SLC9A9: variants seen among roughly 807,000 people sequenced by gnomAD.
The protein encoded by SLC9A9 is sodium/hydrogen exchanger 9.
A neutral mutation model predicts 77.8 loss-of-function variants in SLC9A9; 62 were observed. The ratio of observed to expected loss-of-function variants is 0.80; its 90% confidence interval spans 0.65 to 0.98. SLC9A9 has a LOEUF of 0.98. SLC9A9 is among the 50% of genes least tolerant of loss of function. The pLI is 0.00. For missense variants in SLC9A9, 775 were observed against 774.9 expected (o/e 1.00, Z 0.00); for synonymous variants, 320 against 283.5 (o/e 1.13, Z -1.29).
chr3:143,799,210 C>T (rs1482568610), intron 2 of SLC9A9, among the ~76,000 whole-genome samples: 1 of 152,128 alleles, frequency 6.6e-6, no homozygotes, highest in African/African-American at 2.4e-5. Context: ...GTCCATGGCC[C>T]ATTTGGCAAC....
intron 12 of SLC9A9, among the ~76,000 whole-genome samples, chr3:143,418,411 G>A (rs900929186): frequency 1.3e-5 from 2 of 151,990 alleles, no homozygotes; most frequent in Admixed American, 6.6e-5. Flanking sequence ...CAGGTGATCC[G>A]AGGCAGTTTC....
At chr3:143,552,260 T>C in intron 9 of SLC9A9, 102 bp downstream of exon 9, 1 of 803,894 alleles carries the variant, frequency 1.2e-6, no homozygotes. Context: ...GCTTACATTC[T>C]TCCTTTACTA....
In SLC9A9 at chr3:143,818,472, G is replaced by C. The variant is rs550916192; in HGVS notation, c.378+13547C>G. On this transcript the variant is annotated intron_variant, in intron 2 of 15. Coordinates refer to ENST00000316549, the MANE Select transcript of SLC9A9 (RefSeq NM_173653.4). ...CAGGGATGCACCGCCACGCCCAGCTGATTTTTGTATTTTCAGTAGAGACTG... is the reference window on the plus strand; with the variant it reads ...CAGGGATGCACCGCCACGCCCAGCTCATTTTTGTATTTTCAGTAGAGACTG... Among the ~76,000 whole-genome samples the C allele has an allele frequency of 3.3e-3, 508 of 152,086 alleles. 2 individuals are homozygous for C. The highest frequency in any genetic ancestry group is 5.0e-3 in the Non-Finnish European group (341 of 67,978).
rs542697136 is a variant in SLC9A9, at chr3:143,747,265, G to A, written c.533+47736C>T. 1.8e-4 allele frequency among the ~76,000 whole-genome samples: 27 copies of A among 152,200 alleles called. No homozygotes were observed. The East Asian group carries it at 4.1e-3, about 23-fold the overall frequency. Reference sequence around the variant, plus strand: ...CTAAAAATACAAAAACCACCTGGGTGTGGTGGCAGGTGCCTGTAATCCCAG... The same window carrying A: ...CTAAAAATACAAAAACCACCTGGGTATGGTGGCAGGTGCCTGTAATCCCAG... On this transcript the variant is annotated intron_variant, in intron 4 of 15. Coordinates refer to ENST00000316549, the MANE Select transcript of SLC9A9 (RefSeq NM_173653.4).
chr3:143,603,446 A>AG (rs1279287994), intron 6 of SLC9A9, among the ~76,000 whole-genome samples: 1 of 92,200 alleles, frequency 1.1e-5, no homozygotes, highest in African/African-American at 5.3e-5. Flanking sequence ...GATTGAATCC[A>AG]TTTTGTTGCT....
chr3:143,561,253 A>AT (rs2037079813), intron 8 of SLC9A9, among the ~76,000 whole-genome samples: 1 of 152,210 alleles, frequency 6.6e-6, no homozygotes, highest in African/African-American at 2.4e-5. Flanking sequence ...TAGAAATAGG[A>AT]TAACAATAAG....
chr3:143,546,683 A>G (rs1301770241), intron 9 of SLC9A9, among the ~76,000 whole-genome samples: 1 of 152,234 alleles, frequency 6.6e-6, no homozygotes, highest in Non-Finnish European at 1.5e-5. Context: ...TTGAACCACA[A>G]AGTAAAACAT....
At chr3:143,600,987 G>A (rs866946023) in intron 6 of SLC9A9, among the ~76,000 whole-genome samples, 10 of 152,202 alleles carry the variant, frequency 6.6e-5, no homozygotes, top group Non-Finnish European at 8.8e-5. Context: ...GAATGGGGAT[G>A]TAAGCGGAAA....
rs200833115 is a variant in SLC9A9, at chr3:143,552,415, C to T, written c.1036G>A (p.Ala346Thr). 207 of 1,613,098 alleles carry T rather than the reference C, an allele frequency of 1.3e-4. 1 individual carries two copies. The East Asian group carries it at 4.6e-3, about 36-fold the overall frequency. The change falls in exon 9 of 16, where the codon GCA (alanine) becomes ACA (threonine). Residue 346 changes from alanine to threonine, a missense_variant. Ala to Thr is a moderately conservative substitution (Grantham distance 58, BLOSUM62 0). Coordinates refer to ENST00000316549, the MANE Select transcript of SLC9A9 (RefSeq NM_173653.4). The part of the protein sequence containing the change: ...VAVLFCGVTQ[A>T]HYTYNNLSSD... ...GACAGATTGTTGTAGGTATAATGTGCTTGTGTGACTCCACAGAAGAGAACA... is the reference window on the plus strand; with the variant it reads ...GACAGATTGTTGTAGGTATAATGTGTTTGTGTGACTCCACAGAAGAGAACA...
chr3:143,806,647 A>C (rs1050267307), intron 2 of SLC9A9, among the ~76,000 whole-genome samples: 4 of 152,096 alleles, frequency 2.6e-5, no homozygotes, highest in African/African-American at 9.7e-5. Flanking sequence ...TACTCATTCT[A>C]TAGCTAAAAA....
At chr3:143,489,841 T>C (rs1245752201) in intron 11 of SLC9A9, among the ~76,000 whole-genome samples, 1 of 152,058 alleles carries the variant, frequency 6.6e-6, no homozygotes, top group Non-Finnish European at 1.5e-5. Flanking sequence ...AAAGATCCCA[T>C]TTAAAAAATG....
intron 4 of SLC9A9, among the ~76,000 whole-genome samples, chr3:143,777,637 T>G (rs911532413): frequency 6.6e-6 from 1 of 152,110 alleles, no homozygotes; most frequent in Non-Finnish European, 1.5e-5. Context: ...TCAGCACTGT[T>G]TCTCAAACTC....
At chr3:143,781,926 T>C (rs1486387125) in intron 4 of SLC9A9, among the ~76,000 whole-genome samples, 1 of 152,238 alleles carries the variant, frequency 6.6e-6, no homozygotes, top group Non-Finnish European at 1.5e-5. Context: ...ATTCCTTTTA[T>C]TGGGGCCATT....
At chr3:143,506,511 CAG>C (rs1296333596) in intron 9 of SLC9A9, among the ~76,000 whole-genome samples, 1 of 152,156 alleles carries the variant, frequency 6.6e-6, no homozygotes, top group Non-Finnish European at 1.5e-5. Flanking sequence ...GCTCTAACAG[CAG>C]AGAGGGGATT....
chr3:143,351,803 T>G (rs2032462142), intron 14 of SLC9A9, among the ~76,000 whole-genome samples: 1 of 152,230 alleles, frequency 6.6e-6, no homozygotes, highest in Non-Finnish European at 1.5e-5. Flanking sequence ...AAGCTGTCAC[T>G]GAATTTAGTA....
chr3:143,657,784 G>A (rs984241846), intron 5 of SLC9A9, among the ~76,000 whole-genome samples: 1 of 152,106 alleles, frequency 6.6e-6, no homozygotes, highest in Non-Finnish European at 1.5e-5. Flanking sequence ...ACATGTAAAT[G>A]TTTTATGATT....
chr3:143,365,962 G>A (rs1264123435), intron 13 of SLC9A9, among the ~76,000 whole-genome samples: 1 of 152,170 alleles, frequency 6.6e-6, no homozygotes, highest in South Asian at 2.1e-4. Context: ...ATAAGGATAC[G>A]TGGATTTTTA....
chr3:143,466,620 G>A (rs1041306636), intron 12 of SLC9A9, among the ~76,000 whole-genome samples: 5 of 152,122 alleles, frequency 3.3e-5, no homozygotes, highest in Non-Finnish European at 7.3e-5. Context: ...TTGTAAGTGC[G>A]GTGAGGAATT....
chr3:143,391,045 G>A lies in SLC9A9; in HGVS notation c.1470-8931C>T, dbSNP rs955752331. On this transcript the variant is annotated intron_variant, in intron 12 of 15. Transcript: ENST00000316549. ...GGGGGCAGGGCATAGCCAAACAAAAGGCAGCAGAATCCTCTGCAGACTTAA... is the reference window on the plus strand; with the variant it reads ...GGGGGCAGGGCATAGCCAAACAAAAAGCAGCAGAATCCTCTGCAGACTTAA... Among the ~76,000 whole-genome samples the A allele has an allele frequency of 4.6e-5, 7 of 152,344 alleles. No homozygotes were observed. In the East Asian group the frequency reaches 7.7e-4, roughly 17 times the overall value.
Sources: gnomAD v4.1 joint callset for allele counts (sites outside exome capture counted in the v4.1 genomes callset) on GRCh38, gnomAD v4.1.1 for gene constraint, MANE v1.5 for transcripts, NCBI Gene and HGNC (gene_info 2026-07-23, HGNC 2026-07-21) for gene names.